CHAC1: variants seen among roughly 807,000 people sequenced by gnomAD.
The protein encoded by CHAC1 is ChaC glutathione specific gamma-glutamylcyclotransferase 1.
Under a neutral mutation model 22.1 loss-of-function variants are expected in CHAC1, and 22 were observed. The ratio of observed to expected loss-of-function variants is 1.00; its 90% CI spans 0.71 to 1.42. The LOEUF is 1.42. Ranked by LOEUF, CHAC1 falls within the 40% of genes most tolerant of loss-of-function variation. The pLI is 0.00. For synonymous variants in CHAC1, 145 were observed against 128.7 expected (o/e 1.13, Z -0.86); for missense variants, 272 against 299.2 (o/e 0.91, Z 0.67).
At chr15:40,955,256 G>A in intron 2 of CHAC1, 117 bp from the exon 3 acceptor site, 1 of 1,122,516 alleles carries the variant, frequency 8.9e-7, no homozygotes, top group South Asian at 1.5e-5. Context: ...TGGCTCATCA[G>A]CCGACCACAG....
In CHAC1 at chr15:40,953,626, C is replaced by T; in HGVS notation, c.43C>T (p.Gln15Ter). Reference sequence around the variant, plus strand: ...AGCCCCGAACACCCCGCCCACCTCGCAGTCCCCTACGCCGTCCGCTCAGTT... The same window carrying T: ...AGCCCCGAACACCCCGCCCACCTCGTAGTCCCCTACGCCGTCCGCTCAGTT... ...SAAPNTPPTS[Q>*]SPTPSAQFPR... Residue 15 changes from glutamine (Q) to a stop codon, truncating the protein, a stop_gained, in exon 1 of 3, where the codon CAG becomes TAG. Transcript: ENST00000617768. LOFTEE classifies it high-confidence loss of function. 6.2e-7 allele frequency: 1 copy of T among 1,609,974 alleles called. No individual in the cohort carries two copies. The highest frequency in any genetic ancestry group is 1.1e-5 in the South Asian group (1 of 91,082).
chr15:40,956,025 G>A lies in CHAC1; in HGVS notation c.*251G>A, dbSNP rs1276130576. ...AGGTGGAGGGCCTGCCCTGGACACAGGGGCCCTGCTGAGCAGTGGCCCCAT... is the reference window on the plus strand; with the variant it reads ...AGGTGGAGGGCCTGCCCTGGACACAAGGGCCCTGCTGAGCAGTGGCCCCAT... On this transcript the variant is annotated 3_prime_UTR_variant, in exon 3 of 3. Transcript: ENST00000617768. 2.0e-5 allele frequency: 10 copies of A among 497,118 alleles called. No homozygotes were observed. The highest frequency in any genetic ancestry group is 3.2e-5 in the Non-Finnish European group (9 of 279,340). The allele number at this position is 497,118 out of a possible 1,614,324, so 30.8% of individuals were successfully genotyped here. A position where few individuals can be genotyped will look rare whatever the true frequency, so the allele number is the denominator to read the frequency against.
At position 40,955,872 on chromosome 15, in the gene CHAC1, C is replaced by T; in HGVS notation, c.*98C>T. 3 of 1,292,944 alleles carry T rather than the reference C, an allele frequency of 2.3e-6. No homozygotes were observed. Among genetic ancestry groups the T allele is most frequent in the Non-Finnish European group, 3.1e-6 (3 of 965,210 alleles). The allele number at this position is 1,292,944 out of a possible 1,614,324, so 80.1% of individuals were successfully genotyped here. ...CTTGCGACCGCTTGAGCCCACTGAG[C>T]AGATATGGTGGGTGGCTGGAGGCTT... On this transcript the variant is annotated 3_prime_UTR_variant, in exon 3 of 3. Coordinates refer to ENST00000617768, the MANE Select transcript of CHAC1 (RefSeq NM_024111.6).
rs566702383 is a variant in CHAC1, at chr15:40,956,029, C to G, written c.*255C>G. ...GGAGGGCCTGCCCTGGACACAGGGG[C>G]CCTGCTGAGCAGTGGCCCCATCCTG... On this transcript the variant is annotated 3_prime_UTR_variant, in exon 3 of 3. Transcript: ENST00000617768. 2.1e-6 allele frequency: 1 copy of G among 472,578 alleles called. No individual in the cohort carries two copies. Among genetic ancestry groups the G allele is most frequent in the Non-Finnish European group, 3.8e-6 (1 of 265,260 alleles). The allele number at this position is 472,578 out of a possible 1,614,324, so 29.3% of individuals were successfully genotyped here.
rs750500142 is a variant in CHAC1 at position 40,955,493 on chromosome 15, C to A, written c.388C>A (p.Pro130Thr). 2 of 1,614,192 alleles carry A rather than the reference C, an allele frequency of 1.2e-6. No homozygotes were observed. Among genetic ancestry groups the A allele is most frequent in the South Asian group, 2.2e-5 (2 of 91,084 alleles). ...GYDTKEVTFY[P>T]QDAPDQPLKA... ...CGATACCAAGGAGGTCACCTTCTAT[C>A]CCCAAGATGCTCCTGACCAACCACT... is the stretch of plus-strand genomic sequence containing the variant. The change falls in exon 3 of 3, where the codon CCC becomes ACC. Residue 130 changes from proline to threonine, a missense_variant. By Grantham distance (38) the Pro-to-Thr change is conservative. Transcript: ENST00000617768.
At position 40,955,552 on chromosome 15, in the gene CHAC1, C is replaced by A. The variant is rs1394172357; in HGVS notation, c.447C>A (p.Asn149Lys). 3.7e-6 allele frequency: 6 copies of A among 1,614,034 alleles called. No individual in the cohort carries two copies. The highest frequency in any genetic ancestry group is 5.1e-6 in the Non-Finnish European group (6 of 1,180,048). Reference protein sequence around the residue: ...KALAYVATPQNPGYLGPAPEE... With the variant: ...KALAYVATPQKPGYLGPAPEE... The stretch of plus-strand genomic sequence containing the variant: ...TGGCCTATGTGGCCACCCCACAGAA[C>A]CCTGGTTACCTGGGCCCTGCGCCTG... Residue 149 changes from asparagine (N) to lysine (K), a missense_variant, in exon 3 of 3, where the codon AAC becomes AAA. Physicochemically the swap from Asn to Lys is moderately conservative, Grantham distance 94. Coordinates refer to ENST00000617768, the MANE Select transcript of CHAC1 (RefSeq NM_024111.6).
Position 40,956,379 on chromosome 15 carries a change from C to G in CHAC1, c.*605C>G, listed in dbSNP as rs1401750288. 1.3e-5 allele frequency: 2 copies of G among 155,020 alleles called. No homozygotes were observed. The highest frequency in any genetic ancestry group is 6.4e-5 in the Admixed American group (1 of 15,564). 9.6% of individuals were successfully genotyped at this position (155,020 alleles called of 1,614,324 possible). On this transcript the variant is annotated 3_prime_UTR_variant, in exon 3 of 3. Transcript: ENST00000617768. The stretch of plus-strand genomic sequence containing the variant: ...CTTGGTTGTTTTCTTGTCCCTCTGT[C>G]TGTCTGTCTATCTACTTGTCTGTCT...
chr15:40,953,863 A>G, intron 1 of CHAC1, 49 bp downstream of exon 1: 1 of 1,432,508 alleles, frequency 7.0e-7, no homozygotes, highest in Non-Finnish European at 9.4e-7. Context: ...GGGGCGGGAT[A>G]CTGGGCGCCA....
In CHAC1 at chr15:40,953,915, A is replaced by G. The variant is rs559133413; in HGVS notation, c.231+101A>G. On this transcript the variant is annotated intron_variant, in intron 1 of 2. Coordinates refer to ENST00000617768, the MANE Select transcript of CHAC1 (RefSeq NM_024111.6). ...GGGGCTCTCTGGGCCAATAGAAAGA[A>G]ATGTGTAAACCTGTGTCTGGGGTTT... 5.5e-6 allele frequency: 5 copies of G among 908,908 alleles called. No individual in the cohort carries two copies. In the East Asian group the frequency reaches 7.7e-5, roughly 14 times the overall value. The allele number at this position is 908,908 out of a possible 1,614,324, so 56.3% of individuals were successfully genotyped here.
At chr15:40,955,285 G>A (rs1893213474) in intron 2 of CHAC1, 88 bp from the exon 3 acceptor site, 1 of 1,454,214 alleles carries the variant, frequency 6.9e-7, no homozygotes, top group Non-Finnish European at 9.5e-7. Context: ...ATAGAGCACA[G>A]TCCTGGGTGG....
In CHAC1 at chr15:40,956,022, A is replaced by T. The variant is rs1596210046; in HGVS notation, c.*248A>T. ...GGCAGGTGGAGGGCCTGCCCTGGAC[A>T]CAGGGGCCCTGCTGAGCAGTGGCCC... On this transcript the variant is annotated 3_prime_UTR_variant, in exon 3 of 3. Coordinates refer to ENST00000617768, the MANE Select transcript of CHAC1 (RefSeq NM_024111.6). 2.0e-6 allele frequency: 1 copy of T among 501,186 alleles called. No individual in the cohort carries two copies. Among genetic ancestry groups the T allele is most frequent in the Middle Eastern group, 5.1e-4 (1 of 1,950 alleles). 31.0% of individuals were successfully genotyped at this position (501,186 alleles called of 1,614,324 possible). A position where few individuals can be genotyped will look rare whatever the true frequency, so the allele number is the denominator to read the frequency against.
chr15:40,953,507 G>A lies in CHAC1; in HGVS notation c.-77G>A. ...CCGAGCGGTGCCAGGCCAGGTGTGT[G>A]CGTCCGTCGGTCTTTCCGTGCCCAC... On this transcript the variant is annotated 5_prime_UTR_variant, in exon 1 of 3. Coordinates refer to ENST00000617768, the MANE Select transcript of CHAC1 (RefSeq NM_024111.6). The A allele has an allele frequency of 6.3e-7, 1 of 1,592,256 alleles. No individual in the cohort carries two copies. The highest frequency in any genetic ancestry group is 8.5e-7 in the Non-Finnish European group (1 of 1,172,614).
chr15:40,955,175 G>C (rs187338437), intron 2 of CHAC1, among the ~76,000 whole-genome samples, 198 bp from the exon 3 acceptor site: 51 of 152,286 alleles, frequency 3.3e-4, no homozygotes, highest in African/African-American at 1.1e-3. Flanking sequence ...TTACAAGCAT[G>C]AGCCACCACG....
Position 40,956,011 on chromosome 15 carries a change from C to G in CHAC1, c.*237C>G. The G allele has an allele frequency of 1.9e-6, 1 of 530,660 alleles. No individual in the cohort carries two copies. The highest frequency in any genetic ancestry group is 2.6e-5 in the South Asian group (1 of 38,764). The allele number at this position is 530,660 out of a possible 1,614,324, so 32.9% of individuals were successfully genotyped here. ...TTGGTGTGGTGGGCAGGTGGAGGGC[C>G]TGCCCTGGACACAGGGGCCCTGCTG... On this transcript the variant is annotated 3_prime_UTR_variant, in exon 3 of 3. Transcript: ENST00000617768.
rs147315683 is a variant in CHAC1 at position 40,955,765 on chromosome 15, G to A, written c.660G>A (p.Ala220=). ...PCFCPTEQAL[A]LV is the part of the protein sequence containing the mutation. The stretch of plus-strand genomic sequence containing the variant: ...TCTGCCCCACCGAGCAGGCTCTGGC[G>A]CTGGTGTGAGGGGCTGAGCCCCTGC... The change falls in exon 3 of 3, where the codon GCG becomes GCA. Residue 220 remains alanine, a synonymous_variant. Transcript: ENST00000617768. 181 of 1,593,900 alleles carry A rather than the reference G, an allele frequency of 1.1e-4. No individual in the cohort carries two copies. The African/African-American group carries it at 1.4e-3, about 13-fold the overall frequency.
Position 40,955,456 on chromosome 15 carries a change from G to C in CHAC1, c.351G>C (p.Val117=). 1 of 1,614,142 alleles carries C rather than the reference G, an allele frequency of 6.2e-7. No homozygotes were observed. The highest frequency in any genetic ancestry group is 1.7e-5 in the Admixed American group (1 of 60,032). The change falls in exon 3 of 3, where the codon GTG becomes GTC. Residue 117 remains valine (V), a synonymous_variant. Transcript: ENST00000617768. ...ALKYLNVREA[V]LGGYDTKEVT... ...AGTACCTGAATGTGCGAGAGGCAGT[G>C]CTTGGTGGCTACGATACCAAGGAGG...
In CHAC1 at chr15:40,956,317, G is replaced by GA. The variant is rs1893246852; in HGVS notation, c.*544dup. 1 of 154,894 alleles carries GA rather than the reference G, an allele frequency of 6.5e-6. No homozygotes were observed. Among genetic ancestry groups the GA allele is most frequent in the South Asian group, 2.0e-4 (1 of 4,948 alleles). 9.6% of individuals were successfully genotyped at this position (154,894 alleles called of 1,614,324 possible). ...AGAGCAGAGCTGGAGCTGATGCCTG[G>GA]ACACAGCTGCTGAGCCTGGCCTGGG... On this transcript the variant is annotated 3_prime_UTR_variant, in exon 3 of 3. Transcript: ENST00000617768.
Position 40,955,370 on chromosome 15 carries a change from C to G in CHAC1, c.268-3C>G. On this transcript the variant is annotated splice_polypyrimidine_tract_variant and splice_region_variant and intron_variant, in intron 2 of 2. Transcript: ENST00000617768. ...GACCCCGGGTGTCCCTATTTCTTCC[C>G]AGGGCTGCACTTGGGGCGTGGCATA... 1 of 1,613,320 alleles carries G rather than the reference C, an allele frequency of 6.2e-7. No homozygotes were observed. The highest frequency in any genetic ancestry group is 8.5e-7 in the Non-Finnish European group (1 of 1,179,590).
chr15:40,955,436 C>T lies in CHAC1; in HGVS notation c.331C>T (p.Leu111=), dbSNP rs1893218841. Residue 111 remains leucine, a synonymous_variant, in exon 3 of 3, where the codon CTG becomes TTG. Transcript: ENST00000617768. ...GEQVSKALKY[L]NVREAVLGGY... ...GCAGGTAAGCAAGGCCCTGAAGTAC[C>T]TGAATGTGCGAGAGGCAGTGCTTGG... 1.2e-6 allele frequency: 2 copies of T among 1,614,132 alleles called. No homozygotes were observed. Among genetic ancestry groups the T allele is most frequent in the East Asian group, 2.2e-5 (1 of 44,882 alleles).
Sources: gnomAD v4.1 joint callset for allele counts (sites outside exome capture counted in the v4.1 genomes callset) on GRCh38, gnomAD v4.1.1 for gene constraint, MANE v1.5 for transcripts, NCBI Gene and HGNC (gene_info 2026-07-23, HGNC 2026-07-21) for gene names.